NIFK: variants seen among roughly 807,000 people sequenced by gnomAD.
NIFK encodes the protein MKI67 FHA domain-interacting nucleolar phosphoprotein.
NIFK carries 16 observed loss-of-function variants against 31.7 expected under a neutral mutation model. The ratio of observed to expected loss-of-function variants is 0.50; its 90% CI spans 0.34 to 0.77. NIFK has a LOEUF of 0.77. NIFK is among the 30% of genes least tolerant of loss of function. The pLI is 0.01. For synonymous variants in NIFK, 126 were observed against 123.0 expected (o/e 1.02, Z -0.16); for missense variants, 341 against 350.4 (o/e 0.97, Z 0.21).
chr2:121,736,747 T>C lies in NIFK; in HGVS notation c.104A>G (p.Gln35Arg), dbSNP rs566829543. Residue 35 changes from glutamine to arginine, a missense_variant and splice_region_variant, in exon 1 of 7, where the codon CAG becomes CGG. By Grantham distance (43) the Gln-to-Arg change is conservative (BLOSUM62 1). Transcript: ENST00000285814. Reference sequence around the variant, plus strand: ...GCCTGGGCCAGGGTGCCTGCTCACCTGGGTTATGCGCTTGCGAACCTGCGC... The same window carrying C: ...GCCTGGGCCAGGGTGCCTGCTCACCCGGGTTATGCGCTTGCGAACCTGCGC... ...EVAQVRKRIT[Q>R]RKKQEQLTPG... The C allele has an allele frequency of 6.2e-7, 1 of 1,613,522 alleles. No individual in the cohort carries two copies. Among genetic ancestry groups the C allele is most frequent in the East Asian group, 2.2e-5 (1 of 44,878 alleles).
At position 121,727,049 on chromosome 2, in the gene NIFK, T is replaced by C. The variant is rs77035857; in HGVS notation, c.*675A>G. ...AAGTCCTACTCGCAAACAAATACAT[T>C]GTAGAAAAAAGTTTAATTGCTGGTT... On this transcript the variant is annotated 3_prime_UTR_variant, in exon 7 of 7. Transcript: ENST00000285814. 2,102 of 167,816 alleles carry C rather than the reference T, an allele frequency of 0.013. 51 individuals are homozygous for C. The highest frequency in any genetic ancestry group is 0.048 in the African/African-American group (1,995 of 41,686). 10.4% of individuals were successfully genotyped at this position (167,816 alleles called of 1,614,324 possible). A position where few individuals can be genotyped will look rare whatever the true frequency, so the allele number is the denominator to read the frequency against.
chr2:121,728,988 G>T (rs915923663), intron 4 of NIFK, among the ~76,000 whole-genome samples: 4 of 151,526 alleles, frequency 2.6e-5, no homozygotes, highest in African/African-American at 9.7e-5. Flanking sequence ...CAGTATTTGG[G>T]ATTTGGGCAA....
intron 3 of NIFK, among the ~76,000 whole-genome samples, chr2:121,731,794 T>G (rs2074542662): frequency 6.6e-6 from 1 of 152,214 alleles, no homozygotes; most frequent in Admixed American, 6.5e-5. Flanking sequence ...GGTTTCAATG[T>G]CAACTATACT....
Position 121,736,866 on chromosome 2 carries a change from C to T in NIFK, c.-16G>A. ...AAGTCGCCATGCCAAAAGCCGCCGA[C>T]GCTAACCACGCGGCGCTCCCGGAAA... On this transcript the variant is annotated 5_prime_UTR_variant, in exon 1 of 7. Transcript: ENST00000285814. The T allele has an allele frequency of 1.2e-6, 2 of 1,604,122 alleles. No individual in the cohort carries two copies. Among genetic ancestry groups the T allele is most frequent in the South Asian group, 1.1e-5 (1 of 90,906 alleles).
At chr2:121,734,462 CAT>C (rs971013658) in intron 2 of NIFK, among the ~76,000 whole-genome samples, 14 of 151,718 alleles carry the variant, frequency 9.2e-5, no homozygotes, top group Admixed American at 2.0e-4. Context: ...TATTCTAGTA[CAT>C]ATATATATAG....
intron 4 of NIFK, 32 bp downstream of exon 4, chr2:121,730,861 C>G (rs754930772): frequency 6.5e-7 from 1 of 1,538,334 alleles, no homozygotes; most frequent in South Asian, 1.1e-5. Context: ...CTCCCCACAA[C>G]AAACCACAAA....
intron 4 of NIFK, among the ~76,000 whole-genome samples, chr2:121,729,253 G>C (rs1039129692): frequency 6.6e-6 from 1 of 151,684 alleles, no homozygotes; most frequent in Non-Finnish European, 1.5e-5. Context: ...TGTAGTCCCA[G>C]CTACTCGTGG....
rs370122736 is a variant in NIFK at position 121,730,388 on chromosome 2, C to T, written c.564+505G>A. 5.7e-5 allele frequency: 9 copies of T among 156,792 alleles called. No homozygotes were observed. The East Asian group carries it at 1.1e-3, about 20-fold the overall frequency. The allele number at this position is 156,792 out of a possible 1,614,324, so 9.7% of individuals were successfully genotyped here. ...TCTCTACTAAAAATACAAAATTAGC[C>T]GGGGTGGTGGCGCATGCCTGTAATG... On this transcript the variant is annotated intron_variant, in intron 4 of 6. Transcript: ENST00000285814.
At chr2:121,729,054 G>A (rs2074516691) in intron 4 of NIFK, among the ~76,000 whole-genome samples, 1 of 152,044 alleles carries the variant, frequency 6.6e-6, no homozygotes, top group Admixed American at 6.6e-5. Flanking sequence ...TCTAGTTTCT[G>A]GATAAGGTTA....
intron 6 of NIFK, 158 bp from the exon 7 acceptor site, chr2:121,728,070 A>C: frequency 1.3e-6 from 1 of 749,076 alleles, no homozygotes; most frequent in Non-Finnish European, 2.1e-6. Flanking sequence ...TAAAGAACTT[A>C]GATGCTTATC....
intron 4 of NIFK, 145 bp downstream of exon 4, chr2:121,730,748 G>A (rs191365172): frequency 4.7e-6 from 3 of 639,708 alleles, no homozygotes; most frequent in African/African-American, 3.6e-5. Flanking sequence ...GGAGGCTAGA[G>A]GCAGGAGAAT....
chr2:121,728,336 T>TTTC lies in NIFK; in HGVS notation c.642_644dup (p.Lys216dup). On this transcript the variant is annotated inframe_insertion, in exon 6 of 7. Transcript: ENST00000285814. ...GAGTGTCAAGAGTACCTGAAACTTT[T>TTTC]TTCTTCTTCTTACGTAAAACCTTAA... is the stretch of plus-strand genomic sequence containing the variant. 1 of 1,607,546 alleles carries TTTC rather than the reference T, an allele frequency of 6.2e-7. No individual in the cohort carries two copies. Among genetic ancestry groups the TTTC allele is most frequent in the East Asian group, 2.2e-5 (1 of 44,772 alleles).
At chr2:121,733,409 G>A (rs1214857333) in intron 2 of NIFK, among the ~76,000 whole-genome samples, 1 of 152,036 alleles carries the variant, frequency 6.6e-6, no homozygotes, top group Non-Finnish European at 1.5e-5. Context: ...CAGCTATTCA[G>A]GAGGCTGAGG....
At chr2:121,728,211 G>A in intron 6 of NIFK, 77 bp downstream of exon 6, 2 of 913,028 alleles carry the variant, frequency 2.2e-6, no homozygotes, top group Non-Finnish European at 3.4e-6. Flanking sequence ...CTTAAAATGA[G>A]AGTAGCAGAA....
At chr2:121,733,011 G>C (rs2074554841) in intron 2 of NIFK, among the ~76,000 whole-genome samples, 1 of 152,066 alleles carries the variant, frequency 6.6e-6, no homozygotes, top group African/African-American at 2.4e-5. Context: ...GAACCTGAGA[G>C]GCAGAGGTTG....
intron 2 of NIFK, among the ~76,000 whole-genome samples, chr2:121,735,104 T>G (rs2074569943): frequency 6.6e-6 from 1 of 152,228 alleles, no homozygotes; most frequent in African/African-American, 2.4e-5. Flanking sequence ...ATATAGTGTT[T>G]ATTGTGTACC....
chr2:121,732,326 C>G, intron 2 of NIFK, 122 bp from the exon 3 acceptor site: 1 of 622,072 alleles, frequency 1.6e-6, no homozygotes. Flanking sequence ...ACGTACGACA[C>G]GCTTAATTCT....
chr2:121,731,346 C>T (rs927653760), intron 3 of NIFK, among the ~76,000 whole-genome samples: 3 of 152,288 alleles, frequency 2.0e-5, no homozygotes, highest in African/African-American at 4.8e-5. Context: ...CCAGAAACTT[C>T]GCTTTGCCTC....
At chr2:121,732,437 C>T (rs879540870) in intron 2 of NIFK, among the ~76,000 whole-genome samples, 2 of 152,174 alleles carry the variant, frequency 1.3e-5, no homozygotes, top group African/African-American at 2.4e-5. Context: ...ATTTTGGTTA[C>T]ATATGATAAA....
Sources: gnomAD v4.1 joint callset for allele counts (sites outside exome capture counted in the v4.1 genomes callset) on GRCh38, gnomAD v4.1.1 for gene constraint, MANE v1.5 for transcripts, NCBI Gene and HGNC (gene_info 2026-07-23, HGNC 2026-07-21) for gene names.